The following FAM20B variants were observed in gnomAD, a reference collection of about 807,000 sequenced individuals.
The protein encoded by FAM20B is FAM20B glycosaminoglycan xylosylkinase.
FAM20B carries 23 observed loss-of-function variants against 43.8 expected under a neutral mutation model. That is an observed-to-expected ratio of 0.53 (90% confidence interval 0.38 to 0.74). FAM20B has a LOEUF of 0.74. Ranked by LOEUF, FAM20B falls within the 30% of genes least tolerant of loss-of-function variation. FAM20B has a pLI of 0.00. For missense variants in FAM20B, 440 were observed against 510.5 expected (o/e 0.86, Z 1.33); for synonymous variants, 178 against 192.4 (o/e 0.93, Z 0.62).
At chr1:179,064,646 C>T (rs1033897834) in intron 6 of FAM20B, 150 bp downstream of exon 6, 7 of 626,732 alleles carry the variant, frequency 1.1e-5, no homozygotes, top group African/African-American at 1.1e-4. Flanking sequence ...TGGTACCTGT[C>T]CTTCTCTCCA....
intron 1 of FAM20B, among the ~76,000 whole-genome samples, chr1:179,028,705 G>T (rs1263191052): frequency 6.6e-6 from 1 of 152,176 alleles, no homozygotes; most frequent in Non-Finnish European, 1.5e-5. Context: ...GTTACAATGA[G>T]GCCCTACAGT....
intron 4 of FAM20B, among the ~76,000 whole-genome samples, chr1:179,055,223 G>A (rs1651161791): frequency 6.6e-6 from 1 of 152,184 alleles, no homozygotes; most frequent in African/African-American, 2.4e-5. Flanking sequence ...TGAGGTAAGA[G>A]ATCTGAGCTA....
intron 4 of FAM20B, among the ~76,000 whole-genome samples, chr1:179,056,044 C>T (rs1002432531): frequency 3.3e-5 from 5 of 152,088 alleles, no homozygotes; most frequent in East Asian, 1.9e-4. Flanking sequence ...CCCAAATAAC[C>T]GCTGCCCGTC....
At chr1:179,057,679 T>A (rs985399257) in intron 4 of FAM20B, among the ~76,000 whole-genome samples, 1 of 152,220 alleles carries the variant, frequency 6.6e-6, no homozygotes, top group African/African-American at 2.4e-5. Context: ...TAGCTTATAG[T>A]CTTTATTTAT....
At chr1:179,051,871 C>T (rs1045739567) in intron 3 of FAM20B, among the ~76,000 whole-genome samples, 1 of 152,082 alleles carries the variant, frequency 6.6e-6, no homozygotes, top group Non-Finnish European at 1.5e-5. Context: ...TGGTCTGGAA[C>T]TCCTGACTCG....
At chr1:179,023,958 G>A (rs556949583), upstream of FAM20B, among the ~76,000 whole-genome samples, 1 of 152,300 alleles carries the variant, frequency 6.6e-6, no homozygotes, top group South Asian at 2.1e-4. Context: ...CAGGCGGAGG[G>A]GGCAGAAACT....
chr1:179,035,403 G>A lies in FAM20B; in HGVS notation c.-133-8312G>A, dbSNP rs146436439. 3.8e-5 allele frequency: 27 copies of A among 709,222 alleles called. No homozygotes were observed. In the African/African-American group the frequency reaches 4.5e-4, roughly 12 times the overall value. 43.9% of individuals were successfully genotyped at this position (709,222 alleles called of 1,614,324 possible). On this transcript the variant is annotated intron_variant, in intron 1 of 7. Transcript: ENST00000263733. ...CGTGGGCTTCATGAGATTGATTCCT[G>A]ACTACTTTGCTGTGAATTGCACAAT...
At chr1:179,060,047 T>C (rs1006229584) in intron 4 of FAM20B, among the ~76,000 whole-genome samples, 1 of 152,016 alleles carries the variant, frequency 6.6e-6, no homozygotes, top group Non-Finnish European at 1.5e-5. Flanking sequence ...TTTCTCCAAG[T>C]GGCAACCTTT....
At chr1:179,035,888 G>A (rs944809046) in intron 1 of FAM20B, among the ~76,000 whole-genome samples, 3 of 152,122 alleles carry the variant, frequency 2.0e-5, no homozygotes, top group African/African-American at 7.2e-5. Context: ...ACAGCACATT[G>A]GGGGGCTGAG....
At chr1:179,025,443 G>A (rs1233819072), upstream of FAM20B, among the ~76,000 whole-genome samples, 1 of 152,138 alleles carries the variant, frequency 6.6e-6, no homozygotes, top group Non-Finnish European at 1.5e-5. Flanking sequence ...CAGAAGTTCC[G>A]AGCAGAAGTC....
At chr1:179,021,022 G>A (rs1649596016), upstream of FAM20B, among the ~76,000 whole-genome samples, 1 of 152,216 alleles carries the variant, frequency 6.6e-6, no homozygotes, top group African/African-American at 2.4e-5. Flanking sequence ...AGTGAGCTGA[G>A]ATTGCACCTC....
chr1:179,019,088 A>T, the FAM20B span, among the ~76,000 whole-genome samples: 4 of 152,206 alleles, frequency 2.6e-5, no homozygotes, highest in Non-Finnish European at 5.9e-5. Context: ...GTCCACGCAC[A>T]GTGGGGAGGG....
chr1:179,072,152 C>T lies in FAM20B; in HGVS notation c.*8C>T. 6.3e-7 allele frequency: 1 copy of T among 1,590,784 alleles called. No individual in the cohort carries two copies. Among genetic ancestry groups the T allele is most frequent in the Non-Finnish European group, 8.6e-7 (1 of 1,160,766 alleles). The stretch of plus-strand genomic sequence containing the variant: ...CCTCTCTCACACTTGTAATTCTCGA[C>T]ACAAAATAAGTGAAACTTCTTTTTA... On this transcript the variant is annotated 3_prime_UTR_variant, in exon 8 of 8. Coordinates refer to ENST00000263733, the MANE Select transcript of FAM20B (RefSeq NM_014864.4).
rs1321257077 is a variant in FAM20B at position 179,074,351 on chromosome 1, C to G, written c.*2207C>G. ...GTATGAGAATACCTTGGTTAGTGCT[C>G]ACCCACAAGCTTCCAGGAGCCAGCT... On this transcript the variant is annotated 3_prime_UTR_variant, in exon 8 of 8. Transcript: ENST00000263733. 6.6e-6 allele frequency: 1 copy of G among 152,646 alleles called. No individual in the cohort carries two copies. Among genetic ancestry groups the G allele is most frequent in the East Asian group, 1.9e-4 (1 of 5,200 alleles). The allele number at this position is 152,646 out of a possible 1,614,324, so 9.5% of individuals were successfully genotyped here.
intron 2 of FAM20B, among the ~76,000 whole-genome samples, chr1:179,045,096 C>T (rs928099911): frequency 2.8e-4 from 43 of 152,162 alleles, no homozygotes; most frequent in African/African-American, 1.0e-3. Context: ...CTTTGGACTT[C>T]CTAGGGATCT....
intron 2 of FAM20B, among the ~76,000 whole-genome samples, chr1:179,045,520 A>G (rs1028077304): frequency 3.9e-5 from 6 of 152,228 alleles, no homozygotes; most frequent in African/African-American, 1.4e-4. Flanking sequence ...CAGAAATGGA[A>G]GGGATCACTG....
chr1:179,050,357 C>G lies in FAM20B; in HGVS notation c.456C>G (p.His152Gln), dbSNP rs981113490. 8.1e-6 allele frequency: 13 copies of G among 1,612,990 alleles called. No homozygotes were observed. In the East Asian group the frequency reaches 2.9e-4, roughly 36 times the overall value. Residue 152 changes from histidine (H) to glutamine (Q), a missense_variant, in exon 3 of 8, where the codon CAC becomes CAG. Transcript: ENST00000263733. ...ACAATGCAGAGGTAGCAGCCTTTCACTTGGACAGGTGCGTATGATCACAGC... is the reference window on the plus strand; with the variant it reads ...ACAATGCAGAGGTAGCAGCCTTTCAGTTGGACAGGTGCGTATGATCACAGC... ...DRHNAEVAAF[H>Q]LDRILGFHRA...
rs114858931 is a variant in FAM20B at position 179,036,783 on chromosome 1, C to T, written c.-133-6932C>T. ...TATGCAATAAGGTATTATACAAGGC[C>T]GAATGTAGTTAAGTACTGGCCGAAA... On this transcript the variant is annotated intron_variant, in intron 1 of 7. Transcript: ENST00000263733. 5.6e-3 allele frequency among the ~76,000 whole-genome samples: 851 copies of T among 151,972 alleles called. 9 individuals carry two copies. The highest frequency in any genetic ancestry group is 0.02 in the African/African-American group (811 of 41,470).
intron 1 of FAM20B, among the ~76,000 whole-genome samples, chr1:179,026,340 T>G (rs1268593087): frequency 6.6e-6 from 1 of 151,692 alleles, no homozygotes; most frequent in Non-Finnish European, 1.5e-5. Flanking sequence ...GGGCCGCGTG[T>G]CCCTGTGTGC....
Sources: allele counts gnomAD v4.1 joint callset (sites outside exome capture counted in the v4.1 genomes callset), GRCh38; gene constraint gnomAD v4.1.1; transcripts MANE v1.5; gene names NCBI Gene and HGNC (gene_info 2026-07-23, HGNC 2026-07-21).